The following TBCE variants were observed in gnomAD, a reference collection of about 807,000 sequenced individuals.
TBCE encodes the protein tubulin-specific chaperone E.
A neutral mutation model predicts 77.0 loss-of-function variants in TBCE; 53 were observed. The ratio of observed to expected loss-of-function variants is 0.69; its 90% CI spans 0.55 to 0.87. The LOEUF (loss-of-function observed/expected upper bound fraction) is 0.87. Among genes scored for constraint, TBCE ranks in the 40% least tolerant of loss-of-function variants. The pLI is 0.00. For missense variants in TBCE, 624 were observed against 622.4 expected (o/e 1.00, Z -0.03); for synonymous variants, 235 against 241.3 (o/e 0.97, Z 0.24).
intron 2 of TBCE, among the ~76,000 whole-genome samples, chr1:235,387,926 A>G (rs1373178228): frequency 1.3e-5 from 2 of 152,208 alleles, no homozygotes; most frequent in Non-Finnish European, 2.9e-5. Context: ...CCTCCAGGGG[A>G]TTCTGATGCA....
intron 2 of TBCE, among the ~76,000 whole-genome samples, chr1:235,386,465 T>C (rs1361938414): frequency 1.3e-5 from 2 of 152,212 alleles, no homozygotes; most frequent in Non-Finnish European, 2.9e-5. Flanking sequence ...TTTTTTCACA[T>C]AGTCCCATAT....
chr1:235,419,557 T>A lies in TBCE; in HGVS notation c.456T>A (p.Cys152Ter). Residue 152 changes from cysteine (C) to a stop codon, truncating the protein, a stop_gained, in exon 5 of 17, where the codon TGT (cysteine) becomes TGA (stop). Transcript: ENST00000642610. LOFTEE classifies it high-confidence loss of function. ...AGEKGGVAEA[C>*]PNIRKVDLSK... ...AAAAAGGAGGAGTTGCTGAAGCATG[T>A]CCTAGTATCCTTTTCACCGAGAGCT... 1 of 1,614,142 alleles carries A rather than the reference T, an allele frequency of 6.2e-7. No individual in the cohort carries two copies. Among genetic ancestry groups the A allele is most frequent in the Non-Finnish European group, 8.5e-7 (1 of 1,180,036 alleles).
In TBCE at chr1:235,441,899, C is replaced by A; in HGVS notation, c.1339+17C>A. 6.2e-7 allele frequency: 1 copy of A among 1,611,116 alleles called. No homozygotes were observed. On this transcript the variant is annotated intron_variant, in intron 14 of 16. Coordinates refer to ENST00000642610, the MANE Select transcript of TBCE (RefSeq NM_003193.5). ...AGCTACTAAGTAAGAATCTCAGATT[C>A]AAATAGTTTATTTGTATTTGAGTGC...
In TBCE at chr1:235,447,951, T is replaced by C. The variant is rs530282601; in HGVS notation, c.1400-398T>C. Reference sequence around the variant, plus strand: ...ATACAGCCAGGCGCTGGGCTCATGCTTGTAATCCCAGCACTTTGGGGGGCC... The same window carrying C: ...ATACAGCCAGGCGCTGGGCTCATGCCTGTAATCCCAGCACTTTGGGGGGCC... On this transcript the variant is annotated intron_variant, in intron 15 of 16. Transcript: ENST00000642610. Among the ~76,000 whole-genome samples the C allele has an allele frequency of 3.5e-4, 53 of 151,998 alleles. 1 individual carries two copies. In the South Asian group the frequency reaches 3.7e-3, roughly 11 times the overall value.
rs527247162 is a variant in TBCE, at chr1:235,390,691, A to T, written c.100+10542A>T. Among the ~76,000 whole-genome samples, 17 of 150,146 alleles carry T rather than the reference A, an allele frequency of 1.1e-4. 1 individual carries two copies. Among genetic ancestry groups the T allele is most frequent in the African/African-American group, 3.4e-4 (14 of 40,744 alleles). On this transcript the variant is annotated intron_variant, in intron 2 of 16. Transcript: ENST00000642610. ...CAGGAGAATCGCTTGAACCTGGGAG[A>T]CGGAGGTTGCAGTGAGCTGAGATCG...
chr1:235,451,035 T>C lies in TBCE; in HGVS notation c.*2273T>C, dbSNP rs1048315541. ...TATAAAGCATGGCTCAACTCCGTGATCAAAGAAGAAACAGGGTAGGAGAAA... is the reference window on the plus strand; with the variant it reads ...TATAAAGCATGGCTCAACTCCGTGACCAAAGAAGAAACAGGGTAGGAGAAA... On this transcript the variant is annotated 3_prime_UTR_variant, in exon 17 of 17. Coordinates refer to ENST00000642610, the MANE Select transcript of TBCE (RefSeq NM_003193.5). 6.6e-6 allele frequency: 1 copy of C among 151,834 alleles called. No individual in the cohort carries two copies. The highest frequency in any genetic ancestry group is 6.5e-5 in the Admixed American group (1 of 15,276). The allele number at this position is 151,834 out of a possible 1,614,324, so 9.4% of individuals were successfully genotyped here. A position where few individuals can be genotyped will look rare whatever the true frequency, so the allele number is the denominator to read the frequency against.
In TBCE at chr1:235,400,757, T is replaced by C. The variant is rs190641518; in HGVS notation, c.101-746T>C. Among the ~76,000 whole-genome samples the C allele has an allele frequency of 5.5e-3, 824 of 150,798 alleles. 7 individuals carry two copies. The highest frequency in any genetic ancestry group is 0.02 in the African/African-American group (800 of 40,992). On this transcript the variant is annotated intron_variant, in intron 2 of 16. Coordinates refer to ENST00000642610, the MANE Select transcript of TBCE (RefSeq NM_003193.5). The stretch of plus-strand genomic sequence containing the variant: ...TTGCCCAGGCTGGAGTGCAGTGGCA[T>C]GATCTCGGCTCACTGCAACCTCCGC...
chr1:235,380,055 T>A lies in TBCE; in HGVS notation c.6T>A (p.Ser2Arg), dbSNP rs1209804273. M[S>R]DTLTADVIGR... is the part of the protein sequence containing the mutation. The stretch of plus-strand genomic sequence containing the variant: ...TGGATTCTGGATATATTATAATGAG[T>A]GACACTTTGACAGCGGATGTCATTG... The change falls in exon 2 of 17, where the codon AGT (serine) becomes AGA (arginine). Residue 2 changes from serine (S) to arginine (R), a missense_variant. Transcript: ENST00000642610. 2 of 1,613,422 alleles carry A rather than the reference T, an allele frequency of 1.2e-6. No homozygotes were observed. Among genetic ancestry groups the A allele is most frequent in the South Asian group, 2.2e-5 (2 of 91,070 alleles).
At position 235,450,363 on chromosome 1, in the gene TBCE, G is replaced by T. The variant is rs754486562; in HGVS notation, c.*1601G>T. On this transcript the variant is annotated 3_prime_UTR_variant, in exon 17 of 17. Coordinates refer to ENST00000642610, the MANE Select transcript of TBCE (RefSeq NM_003193.5). The stretch of plus-strand genomic sequence containing the variant: ...GTCCTGTTGAGAAACAACCAAAGCC[G>T]ATCTGAGAGTGGTGAAACTGTTTTA... 7 of 1,611,934 alleles carry T rather than the reference G, an allele frequency of 4.3e-6. No individual in the cohort carries two copies. The highest frequency in any genetic ancestry group is 5.9e-6 in the Non-Finnish European group (7 of 1,178,398).
At position 235,416,541 on chromosome 1, in the gene TBCE, C is replaced by CA. The variant is rs3083678; in HGVS notation, c.371+1935dup. Among the ~76,000 whole-genome samples, 379 of 148,544 alleles carry CA rather than the reference C, an allele frequency of 2.6e-3. 2 individuals are homozygous for CA. The highest frequency in any genetic ancestry group is 4.3e-3 in the Admixed American group (65 of 14,952). On this transcript the variant is annotated intron_variant, in intron 4 of 16. Transcript: ENST00000642610. ...ACCTTGTCTCAAATGACACACAAAC[C>CA]AAAAAAAAAAAACCCCAAATATTTA...
chr1:235,424,934 C>T (rs986473699), intron 5 of TBCE, among the ~76,000 whole-genome samples: 1 of 152,194 alleles, frequency 6.6e-6, no homozygotes, highest in African/African-American at 2.4e-5. Flanking sequence ...AGCCGCCGCG[C>T]CTGGCCTGGA....
rs1188106799 is a variant in TBCE, at chr1:235,401,502, G to C, written c.101-1G>C. ...TCATTTGGTTTTTCTTGTTCTGCTA[G>C]GACCCTGGTTAGGAGTAGAATGGGA... On this transcript the variant is annotated splice_acceptor_variant, in intron 2 of 16. Transcript: ENST00000642610. LOFTEE classifies it high-confidence loss of function. 2 of 1,613,496 alleles carry C rather than the reference G, an allele frequency of 1.2e-6. No individual in the cohort carries two copies. The highest frequency in any genetic ancestry group is 1.7e-6 in the Non-Finnish European group (2 of 1,179,682).
chr1:235,385,650 T>C (rs1677954351), intron 2 of TBCE, among the ~76,000 whole-genome samples: 3 of 152,164 alleles, frequency 2.0e-5, no homozygotes, highest in South Asian at 4.1e-4. Flanking sequence ...CCCTGCCTTT[T>C]TTTGTTTTCC....
In TBCE at chr1:235,387,939, A is replaced by G. The variant is rs181660016; in HGVS notation, c.100+7790A>G. Among the ~76,000 whole-genome samples, 183 of 152,344 alleles carry G rather than the reference A, an allele frequency of 1.2e-3. 2 individuals are homozygous for G. Among genetic ancestry groups the G allele is most frequent in the African/African-American group, 3.9e-3 (162 of 41,588 alleles). ...CCCCTCCAGGGGATTCTGATGCACAATAAGGTTTGGTGAAAGCCATTGAAC... is the reference window on the plus strand; with the variant it reads ...CCCCTCCAGGGGATTCTGATGCACAGTAAGGTTTGGTGAAAGCCATTGAAC... On this transcript the variant is annotated intron_variant, in intron 2 of 16. Coordinates refer to ENST00000642610, the MANE Select transcript of TBCE (RefSeq NM_003193.5).
chr1:235,406,559 T>C lies in TBCE; in HGVS notation c.185+4972T>C, dbSNP rs532934198. Among the ~76,000 whole-genome samples the C allele has an allele frequency of 3.9e-3, 601 of 152,246 alleles. 4 individuals carry two copies. The highest frequency in any genetic ancestry group is 0.014 in the African/African-American group (573 of 41,566). ...TTTTCTTTTAGTTTTTGAGACGGAGTCTCACTCAGTCGCCCAGGCTGGAGT... is the reference window on the plus strand; with the variant it reads ...TTTTCTTTTAGTTTTTGAGACGGAGCCTCACTCAGTCGCCCAGGCTGGAGT... On this transcript the variant is annotated intron_variant, in intron 3 of 16. Coordinates refer to ENST00000642610, the MANE Select transcript of TBCE (RefSeq NM_003193.5).
chr1:235,436,637 C>G (rs962821065), intron 11 of TBCE, 29 bp downstream of exon 11: 18 of 1,583,872 alleles, frequency 1.1e-5, no homozygotes, highest in Non-Finnish European at 1.6e-5. Flanking sequence ...ATGCCCAGCA[C>G]ACTGTTGCCT....
chr1:235,438,819 T>C lies in TBCE; in HGVS notation c.1167T>C (p.Phe389=), dbSNP rs1293799174. 2 of 1,614,108 alleles carry C rather than the reference T, an allele frequency of 1.2e-6. No homozygotes were observed. Among genetic ancestry groups the C allele is most frequent in the Non-Finnish European group, 1.7e-6 (2 of 1,180,018 alleles). ...RRAELDYRKA[F]GNEWKQAGGH... Reference sequence around the variant, plus strand: ...CTGAGCTTGACTACCGAAAAGCTTTTGGAAATGAGTGGAAACAGGCTGGTG... The same window carrying C: ...CTGAGCTTGACTACCGAAAAGCTTTCGGAAATGAGTGGAAACAGGCTGGTG... The change falls in exon 13 of 17, where the codon TTT becomes TTC. Residue 389 remains phenylalanine, a synonymous_variant. Transcript: ENST00000642610.
At chr1:235,446,142 T>C (rs893910322) in intron 15 of TBCE, among the ~76,000 whole-genome samples, 1 of 152,078 alleles carries the variant, frequency 6.6e-6, no homozygotes, top group African/African-American at 2.4e-5. Context: ...CATAAAGAAA[T>C]ACAAATGTAG....
Position 235,409,556 on chromosome 1 carries a change from CT to C in TBCE, c.186-4874del, listed in dbSNP as rs1243866505. ...TGGAAATGTTCCAGAAAATATTGAT[CT>C]TTAGTGTTAGTCTTTGATCTGTAAA... is the stretch of plus-strand genomic sequence containing the variant. On this transcript the variant is annotated intron_variant, in intron 3 of 16. Coordinates refer to ENST00000642610, the MANE Select transcript of TBCE (RefSeq NM_003193.5). Among the ~76,000 whole-genome samples, 7 of 151,994 alleles carry C rather than the reference CT, an allele frequency of 4.6e-5. No individual in the cohort carries two copies. In the East Asian group the frequency reaches 1.4e-3, roughly 30 times the overall value.
Sources: gnomAD v4.1 joint callset for allele counts (sites outside exome capture counted in the v4.1 genomes callset) on GRCh38, gnomAD v4.1.1 for gene constraint, MANE v1.5 for transcripts, NCBI Gene and HGNC (gene_info 2026-07-23, HGNC 2026-07-21) for gene names.